RAPGEF5: variants seen among roughly 807,000 people sequenced by gnomAD.
The protein encoded by RAPGEF5 is M-Ras-regulated GEF.
RAPGEF5 carries 65 observed loss-of-function variants against 125.2 expected under a neutral mutation model. The observed-to-expected ratio is 0.52, with a 90% CI of 0.43 to 0.64. The LOEUF (loss-of-function observed/expected upper bound fraction) is 0.64. RAPGEF5 is among the 30% of genes least tolerant of loss of function. The pLI is 0.00. For missense variants in RAPGEF5, 958 were observed against 1,048.1 expected (o/e 0.91, Z 1.19); for synonymous variants, 391 against 385.9 (o/e 1.01, Z -0.16).
intron 11 of RAPGEF5, among the ~76,000 whole-genome samples, chr7:22,180,618 A>G (rs1294314481): frequency 6.6e-6 from 1 of 152,212 alleles, no homozygotes; most frequent in African/African-American, 2.4e-5. Context: ...TTAAATCATC[A>G]TTAGAGCTTT....
chr7:22,209,613 G>C (rs1290217019), intron 9 of RAPGEF5, among the ~76,000 whole-genome samples: 4 of 152,158 alleles, frequency 2.6e-5, no homozygotes, highest in African/African-American at 9.7e-5. Flanking sequence ...GAGAAGAACT[G>C]AATGATCCCA....
intron 7 of RAPGEF5, among the ~76,000 whole-genome samples, chr7:22,241,653 T>G (rs1358236542): frequency 6.6e-6 from 1 of 152,138 alleles, no homozygotes; most frequent in East Asian, 1.9e-4. Context: ...GAAGGAGGGA[T>G]GGATTTAAAC....
chr7:22,191,541 A>G (rs771622503), intron 11 of RAPGEF5: 6 of 470,670 alleles, frequency 1.3e-5, no homozygotes, highest in Admixed American at 2.3e-5. Context: ...CTTCTTCCCC[A>G]CTTAGGTTGG....
chr7:22,160,216 A>G (rs1783942926), intron 14 of RAPGEF5, among the ~76,000 whole-genome samples: 1 of 152,212 alleles, frequency 6.6e-6, no homozygotes, highest in African/African-American at 2.4e-5. Context: ...GACAAGTTAA[A>G]CAGACTTTTA....
At chr7:22,321,196 T>C (rs1450952680) in intron 1 of RAPGEF5, among the ~76,000 whole-genome samples, 2 of 152,280 alleles carry the variant, frequency 1.3e-5, no homozygotes, top group South Asian at 2.1e-4. Context: ...GCAAACCACA[T>C]ATTTTAAATG....
chr7:22,246,309 A>C (rs1470534073), intron 7 of RAPGEF5, among the ~76,000 whole-genome samples: 1 of 152,176 alleles, frequency 6.6e-6, no homozygotes, highest in South Asian at 2.1e-4. Flanking sequence ...AAGCCATCAT[A>C]TTCACTGACT....
chr7:22,137,958 T>C (rs565662931), intron 21 of RAPGEF5, among the ~76,000 whole-genome samples: 211 of 152,104 alleles, frequency 1.4e-3, no homozygotes, highest in African/African-American at 4.3e-3. Context: ...ATTTTGAATA[T>C]GGACTCAGTT....
intron 1 of RAPGEF5, among the ~76,000 whole-genome samples, chr7:22,319,367 A>C (rs533887868): frequency 6.6e-6 from 1 of 152,350 alleles, no homozygotes; most frequent in East Asian, 1.9e-4. Context: ...TTAGTCTAAA[A>C]AGAGAATTCC....
At chr7:22,173,109 C>T (rs1784398789) in intron 11 of RAPGEF5, among the ~76,000 whole-genome samples, 1 of 152,112 alleles carries the variant, frequency 6.6e-6, no homozygotes, top group South Asian at 2.1e-4. Flanking sequence ...TTTTAAGAAG[C>T]CAAGAAAAGC....
intron 6 of RAPGEF5, among the ~76,000 whole-genome samples, chr7:22,277,842 A>G (rs946620897): frequency 1.3e-5 from 2 of 152,150 alleles, no homozygotes; most frequent in Non-Finnish European, 2.9e-5. Context: ...CCTTTATTTT[A>G]AAAGCTCATA....
chr7:22,190,048 G>A (rs549842377), intron 11 of RAPGEF5, among the ~76,000 whole-genome samples: 8 of 152,270 alleles, frequency 5.3e-5, no homozygotes, highest in African/African-American at 1.2e-4. Context: ...TTAGGAGGCC[G>A]AGGCAGGTGG....
intron 9 of RAPGEF5, chr7:22,194,894 C>T (rs1785110263): frequency 6.3e-6 from 2 of 319,666 alleles, no homozygotes; most frequent in South Asian, 1.2e-4. Context: ...ATGAACACTT[C>T]CAGAGTGTTT....
intron 6 of RAPGEF5, among the ~76,000 whole-genome samples, chr7:22,276,667 C>T (rs189663048): frequency 4.1e-4 from 63 of 152,282 alleles, no homozygotes; most frequent in African/African-American, 1.5e-3. Flanking sequence ...ATTCAGAACC[C>T]GAGATCCAAA....
intron 1 of RAPGEF5, among the ~76,000 whole-genome samples, chr7:22,334,999 C>G (rs1007697449): frequency 6.6e-6 from 1 of 152,188 alleles, no homozygotes; most frequent in Non-Finnish European, 1.5e-5. Flanking sequence ...AGACCCCTGA[C>G]AGATTCAGTC....
rs1426175963 is a variant in RAPGEF5, at chr7:22,119,768, C to G, written c.*2638G>C. The G allele has an allele frequency of 6.6e-6, 1 of 152,204 alleles. No homozygotes were observed. Among genetic ancestry groups the G allele is most frequent in the Non-Finnish European group, 1.5e-5 (1 of 68,034 alleles). 9.4% of individuals were successfully genotyped at this position (152,204 alleles called of 1,614,324 possible). A position where few individuals can be genotyped will look rare whatever the true frequency, so the allele number is the denominator to read the frequency against. On this transcript the variant is annotated 3_prime_UTR_variant, in exon 26 of 26. Transcript: ENST00000665637. This position sits in a 1 kb window ranked among gnomAD's most constrained non-coding sequence, Gnocchi z 4.1. ...GCAATAATAAAACTCCAAATGAGAG[C>G]TGGCAAAGAGCTTAGCCATCTTCTA...
chr7:22,132,317 C>T (rs180778138), intron 23 of RAPGEF5, among the ~76,000 whole-genome samples: 41 of 151,974 alleles, frequency 2.7e-4, no homozygotes, highest in Non-Finnish European at 4.4e-4. Flanking sequence ...TTCCTCAAGG[C>T]GTTATACACA....
Position 22,356,933 on chromosome 7 carries a change from C to CGCTCGG in RAPGEF5, c.122_127dup (p.Pro41_Glu42dup). 9.3e-7 allele frequency: 1 copy of CGCTCGG among 1,070,936 alleles called. No homozygotes were observed. The highest frequency in any genetic ancestry group is 1.1e-6 in the Non-Finnish European group (1 of 887,126). 66.3% of individuals were successfully genotyped at this position (1,070,936 alleles called of 1,614,324 possible). A position where few individuals can be genotyped will look rare whatever the true frequency, so the allele number is the denominator to read the frequency against. On this transcript the variant is annotated inframe_insertion, in exon 1 of 26. Transcript: ENST00000665637. ...CCGCAGCGACGCCGGCGGCTGCTCG[C>CGCTCGG]GCTCGGGCTCCCGGGCGCTGGGGCT...
rs1406466705 is a variant in RAPGEF5, at chr7:22,121,346, A to G, written c.*1060T>C. On this transcript the variant is annotated 3_prime_UTR_variant, in exon 26 of 26. Coordinates refer to ENST00000665637, the MANE Select transcript of RAPGEF5 (RefSeq NM_012294.5). ...ATTTGGCTATTTCAGGGCATTTTTCATTTGCCAAAACACTAGTAATTACCA... is the reference window on the plus strand; with the variant it reads ...ATTTGGCTATTTCAGGGCATTTTTCGTTTGCCAAAACACTAGTAATTACCA... The G allele has an allele frequency of 6.6e-6, 1 of 152,030 alleles. No individual in the cohort carries two copies. The highest frequency in any genetic ancestry group is 1.5e-5 in the Non-Finnish European group (1 of 68,022). 9.4% of individuals were successfully genotyped at this position (152,030 alleles called of 1,614,324 possible).
chr7:22,258,724 C>T (rs559190863), intron 7 of RAPGEF5, among the ~76,000 whole-genome samples: 1 of 148,324 alleles, frequency 6.7e-6, no homozygotes, highest in East Asian at 2.0e-4. Flanking sequence ...TGATCTTTGA[C>T]AAGGAGCAAA....
Sources: allele counts gnomAD v4.1 joint callset (sites outside exome capture counted in the v4.1 genomes callset), GRCh38; gene constraint gnomAD v4.1.1; non-coding constraint Gnocchi (gnomAD v3.1); transcripts MANE v1.5; gene names NCBI Gene and HGNC (gene_info 2026-07-23, HGNC 2026-07-21).